Variants in OR14K1 observed in about 807,000 individuals in gnomAD.
OR14K1 encodes olfactory receptor 14K1.
For missense variants in OR14K1, 253 were observed against 174.4 expected (o/e 1.45, Z -2.54); for synonymous variants, 104 against 70.0 (o/e 1.49, Z -2.42).
rs968561778 is a variant in OR14K1, at chr1:247,738,787, A to G, written c.173A>G (p.Tyr58Cys). ...GACCATCGTCTCCACATGGCAATGT[A>G]CTTTTTCCTCCGACATTTGTCCTTC... ...ILDHRLHMAM[Y>C]FFLRHLSFLD... Residue 58 changes from tyrosine (Y) to cysteine (C), a missense_variant, in exon 1 of 1, where the codon TAC becomes TGC. Coordinates refer to ENST00000283225, the MANE Select transcript of OR14K1 (RefSeq NM_001004732.2). The G allele has an allele frequency of 6.4e-6, 5 of 780,690 alleles. No individual in the cohort carries two copies. In the African/African-American group the frequency reaches 8.5e-5, roughly 13 times the overall value. 48.4% of individuals were successfully genotyped at this position (780,690 alleles called of 1,614,324 possible).
In OR14K1 at chr1:247,739,374, G is replaced by T; in HGVS notation, c.760G>T (p.Ala254Ser). The change falls in exon 1 of 1, where the codon GCT becomes TCT. Residue 254 changes from alanine (A) to serine (S), a missense_variant. Transcript: ENST00000283225. ...IVVTVFLVTGAVAYLKPGSDA... is the reference protein window; with the variant it reads ...IVVTVFLVTGSVAYLKPGSDA... The stretch of plus-strand genomic sequence containing the variant: ...TGTCACTGTGTTTCTTGTAACAGGT[G>T]CTGTTGCTTATTTAAAGCCAGGGTC... The T allele has an allele frequency of 1.3e-6, 1 of 780,774 alleles. No homozygotes were observed. Among genetic ancestry groups the T allele is most frequent in the Non-Finnish European group, 2.4e-6 (1 of 417,956 alleles). 48.4% of individuals were successfully genotyped at this position (780,774 alleles called of 1,614,324 possible).
In OR14K1 at chr1:247,739,265, G is replaced by C. The variant is rs556292284; in HGVS notation, c.651G>C (p.Val217=). The change falls in exon 1 of 1, where the codon GTG becomes GTC. Residue 217 remains valine, a synonymous_variant. Coordinates refer to ENST00000283225, the MANE Select transcript of OR14K1 (RefSeq NM_001004732.2). ...SCLVCIVVSY[V]YIFSAVLRIS... is the part of the protein sequence containing the mutation. ...TAGTTTGCATTGTAGTTTCCTATGT[G>C]TACATTTTCTCTGCTGTGTTAAGGA... is the stretch of plus-strand genomic sequence containing the variant. The C allele has an allele frequency of 7.7e-6, 6 of 780,696 alleles. No individual in the cohort carries two copies. Among genetic ancestry groups the C allele is most frequent in the Non-Finnish European group, 1.4e-5 (6 of 417,974 alleles). 48.4% of individuals were successfully genotyped at this position (780,696 alleles called of 1,614,324 possible).
At position 247,738,672 on chromosome 1, in the gene OR14K1, G is replaced by A; in HGVS notation, c.58G>A (p.Val20Met). 1 of 780,694 alleles carries A rather than the reference G, an allele frequency of 1.3e-6. No individual in the cohort carries two copies. The highest frequency in any genetic ancestry group is 2.4e-6 in the Non-Finnish European group (1 of 417,930). 48.4% of individuals were successfully genotyped at this position (780,694 alleles called of 1,614,324 possible). A position where few individuals can be genotyped will look rare whatever the true frequency, so the allele number is the denominator to read the frequency against. Residue 20 changes from valine to methionine, a missense_variant, in exon 1 of 1, where the codon GTG (valine) becomes ATG (methionine). Transcript: ENST00000283225. ...FLLVRFTENW[V>M]LLRLHALLFS... ...GCTTGTGAGATTTACTGAGAATTGG[G>A]TGCTCCTGAGGCTGCATGCTTTGCT...
In OR14K1 at chr1:247,738,689, T is replaced by C; in HGVS notation, c.75T>C (p.His25=). The change falls in exon 1 of 1, where the codon CAT becomes CAC. Residue 25 remains histidine (H), a synonymous_variant. Coordinates refer to ENST00000283225, the MANE Select transcript of OR14K1 (RefSeq NM_001004732.2). ...FTENWVLLRL[H]ALLFSLIYLT... ...AGAATTGGGTGCTCCTGAGGCTGCATGCTTTGCTCTTCTCACTGATCTACC... is the reference window on the plus strand; with the variant it reads ...AGAATTGGGTGCTCCTGAGGCTGCACGCTTTGCTCTTCTCACTGATCTACC... The C allele has an allele frequency of 3.8e-6, 3 of 780,870 alleles. No individual in the cohort carries two copies. Among genetic ancestry groups the C allele is most frequent in the Non-Finnish European group, 7.2e-6 (3 of 417,970 alleles). The allele number at this position is 780,870 out of a possible 1,614,324, so 48.4% of individuals were successfully genotyped here.
In OR14K1 at chr1:247,738,677, C is replaced by G. The variant is rs771180925; in HGVS notation, c.63C>G (p.Leu21=). ...LLVRFTENWV[L]LRLHALLFSL... Reference sequence around the variant, plus strand: ...TGAGATTTACTGAGAATTGGGTGCTCCTGAGGCTGCATGCTTTGCTCTTCT... The same window carrying G: ...TGAGATTTACTGAGAATTGGGTGCTGCTGAGGCTGCATGCTTTGCTCTTCT... Residue 21 remains leucine (L), a synonymous_variant, in exon 1 of 1, where the codon CTC becomes CTG. Transcript: ENST00000283225. 3 of 780,780 alleles carry G rather than the reference C, an allele frequency of 3.8e-6. No individual in the cohort carries two copies. Among genetic ancestry groups the G allele is most frequent in the Non-Finnish European group, 4.8e-6 (2 of 417,940 alleles). 48.4% of individuals were successfully genotyped at this position (780,780 alleles called of 1,614,324 possible). A position where few individuals can be genotyped will look rare whatever the true frequency, so the allele number is the denominator to read the frequency against.
In OR14K1 at chr1:247,739,327, A is replaced by G; in HGVS notation, c.713A>G (p.Asn238Ser). ...CAGAGACAATCCAAAGCCTTTTCCA[A>G]CTGTGTGCCTCACCTCATTGTTGTC... ...QRQRQSKAFSNCVPHLIVVTV... is the reference protein window; with the variant it reads ...QRQRQSKAFSSCVPHLIVVTV... The change falls in exon 1 of 1, where the codon AAC becomes AGC. Residue 238 changes from asparagine to serine, a missense_variant. Asn to Ser is a conservative substitution (Grantham distance 46, BLOSUM62 1). Transcript: ENST00000283225. 7.7e-6 allele frequency: 6 copies of G among 780,696 alleles called. No individual in the cohort carries two copies. The highest frequency in any genetic ancestry group is 1.4e-5 in the Non-Finnish European group (6 of 417,938). The allele number at this position is 780,696 out of a possible 1,614,324, so 48.4% of individuals were successfully genotyped here.
Position 247,739,441 on chromosome 1 carries a change from A to G in OR14K1, c.827A>G (p.Tyr276Cys). 3.8e-6 allele frequency: 3 copies of G among 780,766 alleles called. No individual in the cohort carries two copies. The highest frequency in any genetic ancestry group is 2.7e-5 in the South Asian group (2 of 74,614). The allele number at this position is 780,766 out of a possible 1,614,324, so 48.4% of individuals were successfully genotyped here. The change falls in exon 1 of 1, where the codon TAT (tyrosine) becomes TGT (cysteine). Residue 276 changes from tyrosine (Y) to cysteine (C), a missense_variant. Tyr to Cys is a radical substitution (Grantham distance 194). Transcript: ENST00000283225. ...CTAGACTTGCTGGTGTCTGTGTTCT[A>G]TTCTGTCGCACCTCCAACCTTGAAC... ...SILDLLVSVF[Y>C]SVAPPTLNPV...
chr1:247,739,186 AT>A, the OR14K1 span: 1 of 780,924 alleles, frequency 1.3e-6, no homozygotes, highest in South Asian at 1.3e-5. Context: ...TCTAAAGAAC[AT>A]GCCATCATTA....
rs572114251 is a variant in OR14K1 at position 247,739,385 on chromosome 1, T to C, written c.771T>C (p.Tyr257=). 2.6e-6 allele frequency: 2 copies of C among 780,864 alleles called. No individual in the cohort carries two copies. Among genetic ancestry groups the C allele is most frequent in the East Asian group, 2.4e-5 (1 of 41,246 alleles). The allele number at this position is 780,864 out of a possible 1,614,324, so 48.4% of individuals were successfully genotyped here. ...TTCTTGTAACAGGTGCTGTTGCTTA[T>C]TTAAAGCCAGGGTCTGATGCACCTT... ...TVFLVTGAVA[Y]LKPGSDAPSI... is the part of the protein sequence containing the mutation. The change falls in exon 1 of 1, where the codon TAT becomes TAC. Residue 257 remains tyrosine (Y), a synonymous_variant. Coordinates refer to ENST00000283225, the MANE Select transcript of OR14K1 (RefSeq NM_001004732.2).
Position 247,738,909 on chromosome 1 carries a change from C to T in OR14K1, c.295C>T (p.Leu99Phe), listed in dbSNP as rs1303908806. Residue 99 changes from leucine to phenylalanine, a missense_variant, in exon 1 of 1, where the codon CTC (leucine) becomes TTC (phenylalanine). Transcript: ENST00000283225. The part of the protein sequence containing the change: ...SISFLGCVLQ[L>F]FLVVLLAGSE... ...CTCCTTCCTGGGGTGTGTGTTGCAG[C>T]TCTTCTTGGTGGTACTGCTGGCTGG... 1 of 780,732 alleles carries T rather than the reference C, an allele frequency of 1.3e-6. No individual in the cohort carries two copies. Among genetic ancestry groups the T allele is most frequent in the Admixed American group, 1.7e-5 (1 of 59,010 alleles). The allele number at this position is 780,732 out of a possible 1,614,324, so 48.4% of individuals were successfully genotyped here. A position where few individuals can be genotyped will look rare whatever the true frequency, so the allele number is the denominator to read the frequency against.
rs758089933 is a variant in OR14K1 at position 247,739,264 on chromosome 1, T to C, written c.650T>C (p.Val217Ala). Reference protein sequence around the residue: ...SCLVCIVVSYVYIFSAVLRIS... With the variant: ...SCLVCIVVSYAYIFSAVLRIS... ...TTAGTTTGCATTGTAGTTTCCTATG[T>C]GTACATTTTCTCTGCTGTGTTAAGG... Residue 217 changes from valine to alanine, a missense_variant, in exon 1 of 1, where the codon GTG becomes GCG. Transcript: ENST00000283225. The C allele has an allele frequency of 9.0e-6, 7 of 780,898 alleles. No homozygotes were observed. Among genetic ancestry groups the C allele is most frequent in the Non-Finnish European group, 1.7e-5 (7 of 417,986 alleles). 48.4% of individuals were successfully genotyped at this position (780,898 alleles called of 1,614,324 possible). A position where few individuals can be genotyped will look rare whatever the true frequency, so the allele number is the denominator to read the frequency against.
Position 247,738,711 on chromosome 1 carries a change from T to A in OR14K1, c.97T>A (p.Tyr33Asn). The change falls in exon 1 of 1, where the codon TAC (tyrosine) becomes AAC (asparagine). Residue 33 changes from tyrosine (Y) to asparagine (N), a missense_variant. Coordinates refer to ENST00000283225, the MANE Select transcript of OR14K1 (RefSeq NM_001004732.2). ...GCATGCTTTGCTCTTCTCACTGATC[T>A]ACCTCACGGCTGTGCTGATGAATTT... Reference protein sequence around the residue: ...RLHALLFSLIYLTAVLMNLVI... With the variant: ...RLHALLFSLINLTAVLMNLVI... The A allele has an allele frequency of 5.1e-6, 4 of 780,866 alleles. No individual in the cohort carries two copies. 48.4% of individuals were successfully genotyped at this position (780,866 alleles called of 1,614,324 possible).
In OR14K1 at chr1:247,738,898, G is replaced by T. The variant is rs1161501961; in HGVS notation, c.284G>T (p.Cys95Phe). 1.3e-6 allele frequency: 1 copy of T among 780,688 alleles called. No homozygotes were observed. Among genetic ancestry groups the T allele is most frequent in the South Asian group, 1.3e-5 (1 of 74,578 alleles). The allele number at this position is 780,688 out of a possible 1,614,324, so 48.4% of individuals were successfully genotyped here. A position where few individuals can be genotyped will look rare whatever the true frequency, so the allele number is the denominator to read the frequency against. Residue 95 changes from cysteine (C) to phenylalanine (F), a missense_variant, in exon 1 of 1, where the codon TGT becomes TTT. By Grantham distance (205) the Cys-to-Phe change is radical (BLOSUM62 -2). Coordinates refer to ENST00000283225, the MANE Select transcript of OR14K1 (RefSeq NM_001004732.2). The stretch of plus-strand genomic sequence containing the variant: ...ACTGACTCCATCTCCTTCCTGGGGT[G>T]TGTGTTGCAGCTCTTCTTGGTGGTA... ...ASTDSISFLG[C>F]VLQLFLVVLL...
Position 247,738,895 on chromosome 1 carries a change from G to C in OR14K1, c.281G>C (p.Gly94Ala). Residue 94 changes from glycine (G) to alanine (A), a missense_variant, in exon 1 of 1, where the codon GGG becomes GCG. Transcript: ENST00000283225. Reference sequence around the variant, plus strand: ...TCCACTGACTCCATCTCCTTCCTGGGGTGTGTGTTGCAGCTCTTCTTGGTG... The same window carrying C: ...TCCACTGACTCCATCTCCTTCCTGGCGTGTGTGTTGCAGCTCTTCTTGGTG... ...VASTDSISFLGCVLQLFLVVL... is the reference protein window; with the variant it reads ...VASTDSISFLACVLQLFLVVL... The C allele has an allele frequency of 1.3e-6, 1 of 780,492 alleles. No homozygotes were observed. Among genetic ancestry groups the C allele is most frequent in the Non-Finnish European group, 2.4e-6 (1 of 417,894 alleles). 48.3% of individuals were successfully genotyped at this position (780,492 alleles called of 1,614,324 possible). A position where few individuals can be genotyped will look rare whatever the true frequency, so the allele number is the denominator to read the frequency against.
chr1:247,739,037 G>T lies in OR14K1; in HGVS notation c.423G>T (p.Gln141His), dbSNP rs1202363010. ...EAVMSRGLCV[Q>H]LMALSWLNRG... Reference sequence around the variant, plus strand: ...TCATGAGCAGAGGGCTCTGTGTCCAGTTGATGGCTCTGTCCTGGCTCAACA... The same window carrying T: ...TCATGAGCAGAGGGCTCTGTGTCCATTTGATGGCTCTGTCCTGGCTCAACA... Residue 141 changes from glutamine (Q) to histidine (H), a missense_variant, in exon 1 of 1, where the codon CAG (glutamine) becomes CAT (histidine). Gln to His is a conservative substitution (Grantham distance 24). Coordinates refer to ENST00000283225, the MANE Select transcript of OR14K1 (RefSeq NM_001004732.2). 1 of 780,770 alleles carries T rather than the reference G, an allele frequency of 1.3e-6. No homozygotes were observed. The highest frequency in any genetic ancestry group is 1.3e-5 in the South Asian group (1 of 74,610). 48.4% of individuals were successfully genotyped at this position (780,770 alleles called of 1,614,324 possible). A position where few individuals can be genotyped will look rare whatever the true frequency, so the allele number is the denominator to read the frequency against.
At position 247,738,713 on chromosome 1, in the gene OR14K1, C is replaced by T; in HGVS notation, c.99C>T (p.Tyr33=). 1.3e-6 allele frequency: 1 copy of T among 780,810 alleles called. No homozygotes were observed. Among genetic ancestry groups the T allele is most frequent in the South Asian group, 1.3e-5 (1 of 74,606 alleles). The allele number at this position is 780,810 out of a possible 1,614,324, so 48.4% of individuals were successfully genotyped here. ...ATGCTTTGCTCTTCTCACTGATCTA[C>T]CTCACGGCTGTGCTGATGAATTTAG... is the stretch of plus-strand genomic sequence containing the variant. The part of the protein sequence containing the change: ...RLHALLFSLI[Y]LTAVLMNLVI... Residue 33 remains tyrosine, a synonymous_variant, in exon 1 of 1, where the codon TAC becomes TAT. Coordinates refer to ENST00000283225, the MANE Select transcript of OR14K1 (RefSeq NM_001004732.2).
Position 247,739,150 on chromosome 1 carries a change from T to C in OR14K1, c.536T>C (p.Val179Ala). The change falls in exon 1 of 1, where the codon GTC becomes GCC. Residue 179 changes from valine (V) to alanine (A), a missense_variant. Coordinates refer to ENST00000283225, the MANE Select transcript of OR14K1 (RefSeq NM_001004732.2). ...SDELHQFFCD[V>A]PALLKLTCSK... ...GAGCTACATCAGTTCTTCTGCGATG[T>C]CCCTGCCCTACTAAAGCTCACTTGT... 2.6e-6 allele frequency: 2 copies of C among 780,934 alleles called. No homozygotes were observed. The highest frequency in any genetic ancestry group is 4.8e-6 in the Non-Finnish European group (2 of 417,980). The allele number at this position is 780,934 out of a possible 1,614,324, so 48.4% of individuals were successfully genotyped here.
At position 247,739,038 on chromosome 1, in the gene OR14K1, T is replaced by C; in HGVS notation, c.424T>C (p.Leu142=). 1.3e-6 allele frequency: 1 copy of C among 780,784 alleles called. No homozygotes were observed. The highest frequency in any genetic ancestry group is 2.4e-6 in the Non-Finnish European group (1 of 417,954). 48.4% of individuals were successfully genotyped at this position (780,784 alleles called of 1,614,324 possible). Residue 142 remains leucine (L), a synonymous_variant, in exon 1 of 1, where the codon TTG becomes CTG. Transcript: ENST00000283225. ...CATGAGCAGAGGGCTCTGTGTCCAG[T>C]TGATGGCTCTGTCCTGGCTCAACAG... is the stretch of plus-strand genomic sequence containing the variant. The part of the protein sequence containing the change: ...AVMSRGLCVQ[L]MALSWLNRGA...
chr1:247,739,096 C>T lies in OR14K1; in HGVS notation c.482C>T (p.Thr161Ile). 1 of 780,876 alleles carries T rather than the reference C, an allele frequency of 1.3e-6. No homozygotes were observed. Among genetic ancestry groups the T allele is most frequent in the Non-Finnish European group, 2.4e-6 (1 of 417,974 alleles). The allele number at this position is 780,876 out of a possible 1,614,324, so 48.4% of individuals were successfully genotyped here. ...TTGGGACTCTTGTACACAGCTGGAA[C>T]ATTCTCTCTGAATTTTTATGGCTCT... Reference protein sequence around the residue: ...GALGLLYTAGTFSLNFYGSDE... With the variant: ...GALGLLYTAGIFSLNFYGSDE... Residue 161 changes from threonine to isoleucine, a missense_variant, in exon 1 of 1, where the codon ACA (threonine) becomes ATA (isoleucine). Physicochemically the swap from Thr to Ile is moderately conservative, Grantham distance 89. Coordinates refer to ENST00000283225, the MANE Select transcript of OR14K1 (RefSeq NM_001004732.2).
Sources: gnomAD v4.1 joint callset for allele counts on GRCh38, gnomAD v4.1.1 for gene constraint, MANE v1.5 for transcripts, NCBI Gene and HGNC (gene_info 2026-07-23, HGNC 2026-07-21) for gene names.